Variants in FAM81A observed in about 807,000 individuals in gnomAD.
The protein encoded by FAM81A is protein FAM81A.
In FAM81A, 19 loss-of-function variants were observed where a neutral mutation model predicts 46.7. That is an observed-to-expected ratio of 0.41 (90% CI 0.28 to 0.60). FAM81A has a LOEUF of 0.60. Among genes scored for constraint, FAM81A ranks in the 20% least tolerant of loss-of-function variants. The pLI, the probability that FAM81A is intolerant of heterozygous loss-of-function variation, is 0.34. For missense variants in FAM81A, 377 were observed against 453.5 expected (o/e 0.83, Z 1.53); for synonymous variants, 183 against 152.9 (o/e 1.20, Z -1.45).
intron 3 of FAM81A, among the ~76,000 whole-genome samples, chr15:59,466,830 G>T (rs1257757202): frequency 6.6e-6 from 1 of 152,074 alleles, no homozygotes; most frequent in African/African-American, 2.4e-5. Flanking sequence ...AGGGTTTTTA[G>T]GGTTTTTAGG....
intron 1 of FAM81A, among the ~76,000 whole-genome samples, chr15:59,457,102 C>T (rs972208231): frequency 1.3e-5 from 2 of 152,190 alleles, no homozygotes; most frequent in African/African-American, 2.4e-5. Flanking sequence ...ATTTTATTTA[C>T]GGTAGTCCCC....
intron 4 of FAM81A, among the ~76,000 whole-genome samples, chr15:59,500,553 C>G (rs1189677531): frequency 6.6e-6 from 1 of 152,146 alleles, no homozygotes; most frequent in Non-Finnish European, 1.5e-5. Flanking sequence ...TCTCCTGCCT[C>G]AGCCTCCCGA....
chr15:59,428,665 C>G lies in FAM81A; in HGVS notation c.-78+26307C>G, dbSNP rs890491112. On this transcript the variant is annotated intron_variant, in intron 2 of 4. Transcript: ENST00000558348. ...TTTTTTTTTGAGATAGTGTCTCACT[C>G]TGTCACCCAGGGTGGAATGCAGTGG... is the stretch of plus-strand genomic sequence containing the variant. Among the ~76,000 whole-genome samples, 4 of 119,126 alleles carry G rather than the reference C, an allele frequency of 3.4e-5. No individual in the cohort carries two copies. In the South Asian group the frequency reaches 1.2e-3, roughly 35 times the overall value. The allele number at this position is 119,126 out of a possible 152,430, so 78.2% of individuals were successfully genotyped here. A position where few individuals can be genotyped will look rare whatever the true frequency, so the allele number is the denominator to read the frequency against.
At chr15:59,490,597 C>T (rs1472388878) in intron 3 of FAM81A, among the ~76,000 whole-genome samples, 3 of 151,974 alleles carry the variant, frequency 2.0e-5, no homozygotes, top group Non-Finnish European at 2.9e-5. Flanking sequence ...TTTGGGAGGC[C>T]GAGGTGGGTG....
Position 59,507,143 on chromosome 15 carries a change from TGTATAAGGAA to T in FAM81A, c.414-68_414-59del, listed in dbSNP as rs377632649. On this transcript the variant is annotated intron_variant, in intron 4 of 8. Coordinates refer to ENST00000288228, the MANE Select transcript of FAM81A (RefSeq NM_152450.3). ...TTTGAGTGGGTTTTGCATTTCAGAGTGTATAAGGAAGCTTTTGCGCATTGTTTTTAAACTT... is the reference window on the plus strand; with the variant it reads ...TTTGAGTGGGTTTTGCATTTCAGAGTGCTTTTGCGCATTGTTTTTAAACTT... 2.6e-6 allele frequency: 4 copies of T among 1,523,962 alleles called. No individual in the cohort carries two copies. The African/African-American group carries it at 4.2e-5, about 16-fold the overall frequency. 94.4% of individuals were successfully genotyped at this position (1,523,962 alleles called of 1,614,324 possible). A position where few individuals can be genotyped will look rare whatever the true frequency, so the allele number is the denominator to read the frequency against.
chr15:59,472,879 T>C (rs1194974706), intron 3 of FAM81A, among the ~76,000 whole-genome samples: 2 of 152,226 alleles, frequency 1.3e-5, no homozygotes, highest in African/African-American at 4.8e-5. Flanking sequence ...TATACTTGTC[T>C]TTGGATGCTG....
rs1224124399 is a variant in FAM81A at position 59,423,760 on chromosome 15, A to G, written c.-78+21402A>G. ...TTTCATGCTGAAAGTTTTTCATATAATGTAAGAGACTTATATTTAATTACT... is the reference window on the plus strand; with the variant it reads ...TTTCATGCTGAAAGTTTTTCATATAGTGTAAGAGACTTATATTTAATTACT... On this transcript the variant is annotated intron_variant, in intron 2 of 4. Coordinates refer to the FAM81A transcript ENST00000558348. Among the ~76,000 whole-genome samples the G allele has an allele frequency of 2.0e-5, 3 of 152,332 alleles. No homozygotes were observed. The East Asian group carries it at 5.8e-4, about 29-fold the overall frequency.
At chr15:59,456,285 G>A (rs572688276) in intron 1 of FAM81A, among the ~76,000 whole-genome samples, 1 of 152,090 alleles carries the variant, frequency 6.6e-6, no homozygotes, top group Non-Finnish European at 1.5e-5. Context: ...TGGATGGGGT[G>A]GCGGGGGCGG....
rs1357049802 is a variant in FAM81A at position 59,522,034 on chromosome 15, G to A, written c.*656G>A. ...TGGAAACTTATTTAGATAACGTAAG[G>A]CTCAATATCTGCGTTGACCACCTAG... On this transcript the variant is annotated 3_prime_UTR_variant, in exon 9 of 9. Coordinates refer to ENST00000288228, the MANE Select transcript of FAM81A (RefSeq NM_152450.3). 1 of 152,334 alleles carries A rather than the reference G, an allele frequency of 6.6e-6. No individual in the cohort carries two copies. Among genetic ancestry groups the A allele is most frequent in the Non-Finnish European group, 1.5e-5 (1 of 67,966 alleles). The allele number at this position is 152,334 out of a possible 1,614,324, so 9.4% of individuals were successfully genotyped here.
intron 7 of FAM81A, among the ~76,000 whole-genome samples, chr15:59,515,042 C>T (rs1415138012): frequency 1.3e-5 from 2 of 151,984 alleles, no homozygotes; most frequent in Non-Finnish European, 2.9e-5. Context: ...CCCAGGAGTT[C>T]GAGACCAGCC....
intron 2 of FAM81A, among the ~76,000 whole-genome samples, chr15:59,459,621 C>A (rs767985366): frequency 5.9e-5 from 9 of 151,944 alleles, no homozygotes; most frequent in Non-Finnish European, 1.3e-4. Context: ...TGTTAGGAGA[C>A]TTTGTTAATG....
chr15:59,454,535 A>T (rs1198856891), intron 1 of FAM81A, among the ~76,000 whole-genome samples: 1 of 152,078 alleles, frequency 6.6e-6, no homozygotes, highest in Admixed American at 6.6e-5. Flanking sequence ...ACAAATAATC[A>T]TTTTGATTTA....
At chr15:59,448,587 G>GTT (rs201830836) in intron 1 of FAM81A, among the ~76,000 whole-genome samples, 4 of 148,714 alleles carry the variant, frequency 2.7e-5, no homozygotes, top group South Asian at 2.1e-4. Context: ...ACCTTGGTGG[G>GTT]TTTTTTTTTT....
chr15:59,412,821 A>C (rs1160210570), intron 2 of FAM81A, among the ~76,000 whole-genome samples: 1 of 152,050 alleles, frequency 6.6e-6, no homozygotes. Flanking sequence ...GCATCGGGGT[A>C]GGAAGGCAGA....
At chr15:59,464,126 T>C (rs554276450) in intron 3 of FAM81A, among the ~76,000 whole-genome samples, 1 of 152,318 alleles carries the variant, frequency 6.6e-6, no homozygotes, top group South Asian at 2.1e-4. Context: ...GTTCTATCCG[T>C]GTTGTTGCAA....
At chr15:59,429,373 G>A (rs994480900) in intron 2 of FAM81A, among the ~76,000 whole-genome samples, 1 of 152,018 alleles carries the variant, frequency 6.6e-6, no homozygotes, top group Non-Finnish European at 1.5e-5. Flanking sequence ...TACAACTTGT[G>A]CAACTTTAGG....
intron 3 of FAM81A, among the ~76,000 whole-genome samples, chr15:59,471,956 G>C (rs1168468437): frequency 6.6e-6 from 1 of 152,186 alleles, no homozygotes; most frequent in Non-Finnish European, 1.5e-5. Context: ...GTATTTGTTA[G>C]TAAGACAGTG....
chr15:59,476,754 C>T (rs546001792), intron 3 of FAM81A, among the ~76,000 whole-genome samples: 6 of 152,026 alleles, frequency 3.9e-5, no homozygotes, highest in Non-Finnish European at 7.4e-5. Flanking sequence ...CATGCCACTG[C>T]ACTCCAGCCT....
intron 3 of FAM81A, among the ~76,000 whole-genome samples, chr15:59,463,982 C>T (rs1229855745): frequency 1.3e-5 from 2 of 152,120 alleles, no homozygotes; most frequent in Non-Finnish European, 2.9e-5. Flanking sequence ...CCCTACCCAT[C>T]CCATCCTCTA....
Sources: allele counts gnomAD v4.1 joint callset (sites outside exome capture counted in the v4.1 genomes callset), GRCh38; gene constraint gnomAD v4.1.1; transcripts MANE v1.5; gene names NCBI Gene and HGNC (gene_info 2026-07-23, HGNC 2026-07-21).